PWWP2A: variants seen among roughly 807,000 people sequenced by gnomAD.
The protein encoded by PWWP2A is PWWP domain-containing protein 2A.
A neutral mutation model predicts 48.5 loss-of-function variants in PWWP2A; 18 were observed. The ratio of observed to expected loss-of-function variants is 0.37; its 90% CI spans 0.26 to 0.55. The LOEUF (loss-of-function observed/expected upper bound fraction) is 0.55, where lower values mean the gene tolerates loss of function less well. Ranked by LOEUF, PWWP2A falls within the 20% of genes least tolerant of loss-of-function variation. The pLI is 0.81. For synonymous variants in PWWP2A, 396 were observed against 387.7 expected, an observed-to-expected ratio of 1.02 and a Z score of -0.25; for missense variants, 867 against 976.4, an observed-to-expected ratio of 0.89 and a Z score of 1.49.
In PWWP2A at chr5:160,119,352, C is replaced by G; in HGVS notation, c.37G>C (p.Ala13Pro). The change falls in exon 1 of 2, where the codon GCG becomes CCG. Residue 13 changes from alanine (A) to proline (P), a missense_variant. This residue lies in a region of PWWP2A where 385 missense variants were observed against 396.9 expected (regional missense o/e 0.97). Transcript: ENST00000307063. ...CCGGCGCCCCCCTCCCCGGGGGACG[C>G]TGCAGTCGCTGCCGCCTCTGCAGCC... ...AVAAEAAATA[A>P]SPGEGGAGEA... 1.4e-6 allele frequency: 2 copies of G among 1,387,178 alleles called. No homozygotes were observed. Among genetic ancestry groups the G allele is most frequent in the Non-Finnish European group, 1.9e-6 (2 of 1,077,210 alleles). 85.9% of individuals were successfully genotyped at this position (1,387,178 alleles called of 1,614,324 possible).
chr5:160,100,132 C>G (rs745677415), intron 1 of PWWP2A, among the ~76,000 whole-genome samples: 4 of 151,694 alleles, frequency 2.6e-5, no homozygotes, highest in Non-Finnish European at 5.9e-5. Context: ...GAAACCCCAT[C>G]TCTACTAAAA....
chr5:160,112,060 G>A (rs1757632030), intron 1 of PWWP2A, among the ~76,000 whole-genome samples: 2 of 141,334 alleles, frequency 1.4e-5, no homozygotes, highest in Non-Finnish European at 3.0e-5. Context: ...CCAGGAGGTT[G>A]AGGCTGCAGT....
At chr5:160,056,005 C>T in the PWWP2A span, among the ~76,000 whole-genome samples, 1 of 152,186 alleles carries the variant, frequency 6.6e-6, no homozygotes, top group African/African-American at 2.4e-5. Flanking sequence ...AACAAGCTTC[C>T]CTTGCCCCAG....
At chr5:160,097,706 T>TGGG (rs35915060) in intron 1 of PWWP2A, among the ~76,000 whole-genome samples, 12 of 108,054 alleles carry the variant, frequency 1.1e-4, no homozygotes, top group East Asian at 3.4e-4. Context: ...GTTTTTTTTT[T>TGGG]GGGGGGGGGG....
intron 1 of PWWP2A, among the ~76,000 whole-genome samples, chr5:160,114,768 TAAAAAA>T (rs56276633): frequency 2.6e-4 from 33 of 129,018 alleles, no homozygotes; most frequent in Non-Finnish European, 4.0e-4. Flanking sequence ...GTCTCAAGGG[TAAAAAA>T]AAAAAAAAAA....
chr5:160,104,496 A>T (rs992822862), intron 1 of PWWP2A, among the ~76,000 whole-genome samples: 4 of 152,044 alleles, frequency 2.6e-5, no homozygotes, highest in African/African-American at 9.7e-5. Flanking sequence ...AATTAAATGT[A>T]TCTAAATTAC....
chr5:160,046,308 C>T, the PWWP2A span, among the ~76,000 whole-genome samples: 1 of 152,188 alleles, frequency 6.6e-6, no homozygotes, highest in Non-Finnish European at 1.5e-5. Context: ...ACCTTACCTG[C>T]ATTTAATACA....
intron 4 of PWWP2A, chr5:160,065,682 G>A (rs955106349): frequency 5.8e-5 from 16 of 278,082 alleles, no homozygotes; most frequent in East Asian, 9.9e-5. Context: ...TTGTTGCCTT[G>A]AAGATTTATC....
At chr5:160,089,586 TAGTC>T (rs1211036289), downstream of PWWP2A, 1 of 1,288,746 alleles carries the variant, frequency 7.8e-7, no homozygotes, top group Non-Finnish European at 1.0e-6. Context: ...TCCAAATGAT[TAGTC>T]AGCTTCCTGG....
Position 160,093,832 on chromosome 5 carries a change from G to A in PWWP2A, c.818C>T (p.Pro273Leu). The change falls in exon 2 of 2, where the codon CCT becomes CTT. Residue 273 changes from proline (P) to leucine (L), a missense_variant. Transcript: ENST00000307063. The surrounding 1 kb of genome is among the most constrained non-coding windows in gnomAD (Gnocchi z 5.8). ...PPLFHEGAPY[P>L]PPLFIRDTYN... ...TGTGTCCCTGATAAACAAAGGGGGA[G>A]GATAAGGTGCTCCTTCATGGAAGAG... 6.2e-7 allele frequency: 1 copy of A among 1,614,034 alleles called. No homozygotes were observed. Among genetic ancestry groups the A allele is most frequent in the Non-Finnish European group, 8.5e-7 (1 of 1,179,898 alleles).
the PWWP2A span, among the ~76,000 whole-genome samples, chr5:160,055,940 T>C: frequency 6.6e-6 from 1 of 152,212 alleles, no homozygotes; most frequent in South Asian, 2.1e-4. Flanking sequence ...TTGGACAAGT[T>C]GCCACTGGAG....
At chr5:160,065,986 C>T (rs1279189821) in intron 4 of PWWP2A, among the ~76,000 whole-genome samples, 1 of 152,206 alleles carries the variant, frequency 6.6e-6, no homozygotes, top group African/African-American at 2.4e-5. Flanking sequence ...AAAAGCTTGA[C>T]ATGCAAGTTT....
downstream of PWWP2A, among the ~76,000 whole-genome samples, chr5:160,059,260 G>A (rs1757632059): frequency 6.6e-6 from 1 of 152,230 alleles, no homozygotes; most frequent in African/African-American, 2.4e-5. Flanking sequence ...TAGATCTTCT[G>A]AATAACTTTT....
downstream of PWWP2A, among the ~76,000 whole-genome samples, chr5:160,087,686 T>C (rs1434080059): frequency 3.3e-5 from 5 of 152,214 alleles, no homozygotes; most frequent in African/African-American, 1.2e-4. Flanking sequence ...TAAAAATGAT[T>C]AAGATGATAA....
At chr5:160,105,297 C>T (rs1318564988) in intron 1 of PWWP2A, among the ~76,000 whole-genome samples, 1 of 149,372 alleles carries the variant, frequency 6.7e-6, no homozygotes, top group Non-Finnish European at 1.5e-5. Context: ...AGCTGTAATC[C>T]CAGCATTTTG....
chr5:160,090,780 T>G (rs1288593381), downstream of PWWP2A: 28 of 969,440 alleles, frequency 2.9e-5, no homozygotes, highest in Non-Finnish European at 3.4e-5. Flanking sequence ...AGTATTGAAA[T>G]TAGATATCCA....
intron 4 of PWWP2A, among the ~76,000 whole-genome samples, chr5:160,066,191 A>G (rs904441848): frequency 1.3e-5 from 2 of 152,092 alleles, no homozygotes; most frequent in African/African-American, 4.8e-5. Context: ...TGTGTGTGTG[A>G]AAAATCACAC....
At chr5:160,095,557 A>T (rs931359917) in intron 1 of PWWP2A, among the ~76,000 whole-genome samples, 1 of 152,210 alleles carries the variant, frequency 6.6e-6, no homozygotes, top group Non-Finnish European at 1.5e-5. Flanking sequence ...AAAGGGGCTT[A>T]GATCTAAACC....
chr5:160,100,825 T>G (rs999304625), intron 1 of PWWP2A, among the ~76,000 whole-genome samples: 1 of 151,976 alleles, frequency 6.6e-6, no homozygotes, highest in Non-Finnish European at 1.5e-5. Context: ...CAAAAGAAAA[T>G]TTTACAAAAA....
Sources: gnomAD v4.1 joint callset for allele counts (sites outside exome capture counted in the v4.1 genomes callset) on GRCh38, gnomAD v4.1.1 for gene constraint, gnomAD v4.1.1 regional missense constraint, Gnocchi (gnomAD v3.1) non-coding constraint, MANE v1.5 for transcripts, NCBI Gene and HGNC (gene_info 2026-07-23, HGNC 2026-07-21) for gene names.